Variants in CFAP61 observed in about 807,000 individuals in gnomAD.
CFAP61 encodes the protein cilia and flagella associated protein 61.
In CFAP61, 107 loss-of-function variants were observed where a neutral mutation model predicts 135.6. The ratio of observed to expected loss-of-function variants is 0.79; its 90% CI spans 0.67 to 0.93. The LOEUF is 0.93. CFAP61 is among the 40% of genes least tolerant of loss of function. The pLI, the probability that CFAP61 is intolerant of heterozygous loss-of-function variation, is 0.00. For synonymous variants in CFAP61, 575 were observed against 578.5 expected, an observed-to-expected ratio of 0.99 and a Z score of 0.09; for missense variants, 1,507 against 1,556.2, an observed-to-expected ratio of 0.97 and a Z score of 0.53.
rs112083266 is a variant in CFAP61 at position 20,057,787 on chromosome 20, G to A, written c.143+991G>A. ...ATCTGGGGTGCAGTGGTGCGATCTC[G>A]GCTCACTGCAATCTCCGCCTCCTGG... On this transcript the variant is annotated intron_variant, in intron 2 of 26. Transcript: ENST00000245957. 1.7e-3 allele frequency among the ~76,000 whole-genome samples: 260 copies of A among 152,118 alleles called. 1 individual carries two copies. Among genetic ancestry groups the A allele is most frequent in the African/African-American group, 5.8e-3 (241 of 41,494 alleles).
chr20:20,070,587 C>G (rs935412016), intron 2 of CFAP61, among the ~76,000 whole-genome samples: 3 of 152,130 alleles, frequency 2.0e-5, no homozygotes, highest in Admixed American at 2.0e-4. Context: ...TAGTCAGTCT[C>G]CAAGGGAAAG....
At chr20:20,332,237 C>T (rs367707017) in intron 25 of CFAP61, among the ~76,000 whole-genome samples, 46 of 152,334 alleles carry the variant, frequency 3.0e-4, no homozygotes, top group African/African-American at 8.2e-4. Context: ...GAATGACCCG[C>T]GGCTGTGCTT....
intron 14 of CFAP61, among the ~76,000 whole-genome samples, chr20:20,190,005 G>A (rs1050612535): frequency 1.3e-5 from 2 of 152,112 alleles, no homozygotes; most frequent in South Asian, 2.1e-4. Flanking sequence ...GGCTGGTCTC[G>A]AACTCCTGGC....
intron 20 of CFAP61, among the ~76,000 whole-genome samples, chr20:20,255,580 C>G (rs542984566): frequency 6.6e-6 from 1 of 152,218 alleles, no homozygotes. Flanking sequence ...CAGAATGGTG[C>G]AGCCCAGGTG....
chr20:20,315,388 GTT>G (rs1322465465), intron 25 of CFAP61, among the ~76,000 whole-genome samples: 1 of 149,012 alleles, frequency 6.7e-6, no homozygotes. Context: ...GGGGTTGTTT[GTT>G]TTTTTCTTGT....
intron 25 of CFAP61, among the ~76,000 whole-genome samples, chr20:20,305,553 G>T (rs2056421567): frequency 6.6e-6 from 1 of 152,146 alleles, no homozygotes; most frequent in African/African-American, 2.4e-5. Context: ...GTGGTGGATG[G>T]TAATTCTCCC....
chr20:20,074,286 C>A lies in CFAP61; in HGVS notation c.295-16C>A. Reference sequence around the variant, plus strand: ...ACTGACTCAGCCTTTAATCCGTGTTCTCTCTTCTTCTGCAGCCCCTGAATA... The same window carrying A: ...ACTGACTCAGCCTTTAATCCGTGTTATCTCTTCTTCTGCAGCCCCTGAATA... On this transcript the variant is annotated splice_polypyrimidine_tract_variant and intron_variant, in intron 3 of 26. Transcript: ENST00000245957. 2 of 1,612,282 alleles carry A rather than the reference C, an allele frequency of 1.2e-6. No individual in the cohort carries two copies. Among genetic ancestry groups the A allele is most frequent in the Non-Finnish European group, 1.7e-6 (2 of 1,178,292 alleles).
At chr20:20,149,686 T>C (rs1455000650) in intron 9 of CFAP61, among the ~76,000 whole-genome samples, 1 of 152,204 alleles carries the variant, frequency 6.6e-6, no homozygotes, top group Admixed American at 6.5e-5. Context: ...AAGAACCTTC[T>C]AGGCACTCCC....
intron 19 of CFAP61, among the ~76,000 whole-genome samples, chr20:20,246,482 C>T (rs1300212257): frequency 4.6e-5 from 7 of 152,204 alleles, no homozygotes; most frequent in Non-Finnish European, 1.0e-4. Flanking sequence ...CGGACCCAGC[C>T]AGCCCTGCCT....
intron 17 of CFAP61, among the ~76,000 whole-genome samples, chr20:20,220,634 A>G (rs972233830): frequency 2.0e-5 from 3 of 152,126 alleles, no homozygotes; most frequent in African/African-American, 7.2e-5. Context: ...TCAGTGTGGG[A>G]AAAAAACTCA....
intron 24 of CFAP61, 132 bp from the exon 25 acceptor site, chr20:20,298,049 A>G (rs181664332): frequency 2.0e-5 from 13 of 647,166 alleles, no homozygotes; most frequent in Admixed American, 1.5e-4. Context: ...GTCAATATCT[A>G]TTACTGTTAT....
chr20:20,166,585 C>T (rs553449701), intron 12 of CFAP61, 149 bp downstream of exon 12: 2 of 641,360 alleles, frequency 3.1e-6, no homozygotes, highest in South Asian at 4.1e-5. Context: ...CATAAAAATA[C>T]AAAATATTGT....
In CFAP61 at chr20:20,188,012, A is replaced by T; in HGVS notation, c.1468A>T (p.Ile490Leu). The change falls in exon 14 of 27, where the codon ATA (isoleucine) becomes TTA (leucine). Residue 490 changes from isoleucine (I) to leucine (L), a missense_variant. Coordinates refer to ENST00000245957, the MANE Select transcript of CFAP61 (RefSeq NM_015585.4). The stretch of plus-strand genomic sequence containing the variant: ...CAGCACCCTCATGTTGAATAAAAGC[A>T]TATTGGAGGACTTAGACCGTTACAA... ...LVSTLMLNKSILEDLDRYNKA... is the reference protein window; with the variant it reads ...LVSTLMLNKSLLEDLDRYNKA... The T allele has an allele frequency of 1.9e-6, 3 of 1,614,190 alleles. No homozygotes were observed. Among genetic ancestry groups the T allele is most frequent in the Non-Finnish European group, 2.5e-6 (3 of 1,180,002 alleles).
At chr20:20,264,244 GC>G (rs2052515646) in intron 21 of CFAP61, among the ~76,000 whole-genome samples, 1 of 152,000 alleles carries the variant, frequency 6.6e-6, no homozygotes, top group South Asian at 2.1e-4. Flanking sequence ...TTTATGCATT[GC>G]TTGTCAGGTT....
chr20:20,163,933 G>A (rs2053610012), intron 10 of CFAP61, 117 bp from the exon 11 acceptor site: 1 of 733,952 alleles, frequency 1.4e-6, no homozygotes, highest in Non-Finnish European at 2.1e-6. Flanking sequence ...GTTGTTTCGG[G>A]TGACAGTCAC....
At chr20:20,215,895 G>A (rs12625640) in intron 17 of CFAP61, among the ~76,000 whole-genome samples, 10,505 of 151,786 alleles carry the variant, frequency 0.069, 396 homozygotes, top group Middle Eastern at 0.14. Context: ...AATCATTAAG[G>A]CTTAGACTAT....
chr20:20,212,681 C>A (rs2047740085), intron 17 of CFAP61, among the ~76,000 whole-genome samples: 1 of 152,208 alleles, frequency 6.6e-6, no homozygotes, highest in Non-Finnish European at 1.5e-5. Context: ...CCCCACCTGC[C>A]ACTGAGAAGT....
In CFAP61 at chr20:20,155,574, A is replaced by G. The variant is rs534147889; in HGVS notation, c.952-3796A>G. Among the ~76,000 whole-genome samples the G allele has an allele frequency of 7.2e-5, 11 of 152,302 alleles. No homozygotes were observed. The South Asian group carries it at 2.3e-3, about 32-fold the overall frequency. On this transcript the variant is annotated intron_variant, in intron 9 of 26. Coordinates refer to ENST00000245957, the MANE Select transcript of CFAP61 (RefSeq NM_015585.4). The stretch of plus-strand genomic sequence containing the variant: ...AAAGAACTCAAATGAATCAGCAAGA[A>G]AGAAACAAATAATCCCATCAAAAAG...
chr20:20,184,993 G>A (rs773054701), intron 13 of CFAP61, among the ~76,000 whole-genome samples: 26 of 152,156 alleles, frequency 1.7e-4, no homozygotes, highest in Non-Finnish European at 2.8e-4. Context: ...GGGAGGGCAC[G>A]GGGAAGGAGG....
Sources: gnomAD v4.1 joint callset for allele counts (sites outside exome capture counted in the v4.1 genomes callset) on GRCh38, gnomAD v4.1.1 for gene constraint, MANE v1.5 for transcripts, NCBI Gene and HGNC (gene_info 2026-07-23, HGNC 2026-07-21) for gene names.